The following MCC variants were observed in gnomAD, a reference collection of about 807,000 sequenced individuals.
MCC encodes the protein colorectal mutant cancer protein.
Under a neutral mutation model 116.2 loss-of-function variants are expected in MCC, and 90 were observed. The ratio of observed to expected loss-of-function variants is 0.77; its 90% CI spans 0.65 to 0.92. The LOEUF (loss-of-function observed/expected upper bound fraction) is 0.92. Among genes scored for constraint, MCC ranks in the 40% least tolerant of loss-of-function variants. MCC has a pLI of 0.00. For missense variants in MCC, 1,516 were observed against 1,312.2 expected (o/e 1.16, Z -2.40); for synonymous variants, 578 against 510.5 (o/e 1.13, Z -1.78).
chr5:113,071,489 T>C (rs1472220084), intron 11 of MCC, among the ~76,000 whole-genome samples: 1 of 152,146 alleles, frequency 6.6e-6, no homozygotes, highest in African/African-American at 2.4e-5. Flanking sequence ...TCCATGTCTA[T>C]CATGAGCAGG....
chr5:113,403,952 C>T (rs1035137408), intron 1 of MCC, among the ~76,000 whole-genome samples: 14 of 152,114 alleles, frequency 9.2e-5, no homozygotes, highest in Non-Finnish European at 1.3e-4. Flanking sequence ...CTGCAACCTC[C>T]GCCTCCCGGG....
At chr5:113,187,684 G>A (rs1254178930) in intron 3 of MCC, among the ~76,000 whole-genome samples, 2 of 151,496 alleles carry the variant, frequency 1.3e-5, no homozygotes, top group African/African-American at 4.9e-5. Context: ...GAACCCAGGA[G>A]GCGGAGCTTG....
At chr5:113,108,084 C>T (rs949056994) in intron 6 of MCC, among the ~76,000 whole-genome samples, 4 of 152,244 alleles carry the variant, frequency 2.6e-5, no homozygotes, top group African/African-American at 9.6e-5. Flanking sequence ...GTGGCTCACT[C>T]CTGTAATCAC....
Position 113,022,149 on chromosome 5 carries a change from ATAT to A in MCC, c.*5150_*5152del, listed in dbSNP as rs1412903356. The A allele has an allele frequency of 6.6e-6, 1 of 152,622 alleles. No individual in the cohort carries two copies. The highest frequency in any genetic ancestry group is 2.4e-5 in the African/African-American group (1 of 41,458). 9.5% of individuals were successfully genotyped at this position (152,622 alleles called of 1,614,324 possible). ...TTCAGAATATAAGAATGTTTGTAAA[ATAT>A]TATAAATGTCTCTGTATAAATAAAT... On this transcript the variant is annotated 3_prime_UTR_variant, in exon 19 of 19. Transcript: ENST00000408903.
intron 3 of MCC, among the ~76,000 whole-genome samples, chr5:113,189,303 C>A (rs1982287): frequency 6.6e-6 from 1 of 152,220 alleles, no homozygotes; most frequent in Non-Finnish European, 1.5e-5. Flanking sequence ...GGACTTACTA[C>A]AGACCATCTC....
chr5:113,483,016 C>A (rs913780062), intron 1 of MCC, among the ~76,000 whole-genome samples: 2 of 152,048 alleles, frequency 1.3e-5, no homozygotes, highest in Admixed American at 1.3e-4. Context: ...CTATTTTTTC[C>A]CCCATTTTAC....
chr5:113,262,295 T>A (rs539794364), intron 3 of MCC, among the ~76,000 whole-genome samples: 1 of 152,086 alleles, frequency 6.6e-6, no homozygotes, highest in South Asian at 2.1e-4. Context: ...CTTTCAACTA[T>A]CACATTTGCT....
At chr5:113,094,275 T>C (rs966366213) in intron 8 of MCC, among the ~76,000 whole-genome samples, 9 of 152,112 alleles carry the variant, frequency 5.9e-5, no homozygotes, top group African/African-American at 1.9e-4. Flanking sequence ...GATCACAAAA[T>C]AGAAGGAGAA....
At chr5:113,386,326 A>T (rs1022858795) in intron 1 of MCC, among the ~76,000 whole-genome samples, 2 of 152,136 alleles carry the variant, frequency 1.3e-5, no homozygotes, top group Non-Finnish European at 2.9e-5. Context: ...TCTTCAAGTC[A>T]CCCTTCACAA....
intron 5 of MCC, among the ~76,000 whole-genome samples, chr5:113,138,515 A>G (rs1293488672): frequency 6.6e-6 from 1 of 152,200 alleles, no homozygotes; most frequent in Non-Finnish European, 1.5e-5. Flanking sequence ...GAAGGTGGCC[A>G]TCTGCAAGCC....
chr5:113,146,984 C>G (rs990258543), intron 4 of MCC, among the ~76,000 whole-genome samples: 2 of 152,108 alleles, frequency 1.3e-5, no homozygotes, highest in Non-Finnish European at 2.9e-5. Flanking sequence ...CTAGATTTGT[C>G]TCACAACTAC....
chr5:113,169,789 A>T (rs1264699738), intron 3 of MCC, among the ~76,000 whole-genome samples: 2 of 152,220 alleles, frequency 1.3e-5, no homozygotes, highest in Non-Finnish European at 2.9e-5. Flanking sequence ...GAGTGTTTGT[A>T]GTCAACAATC....
chr5:113,029,009 T>C lies in MCC; in HGVS notation c.2804A>G (p.Glu935Gly). ...ARVQELVSAL[E>G]RLTKSSEIRH... is the part of the protein sequence containing the mutation. ...GATTTCACTGCTCTTGGTGAGTCTC[T>C]CCAAGGCACTCACCAGCTCTTGAAC... Residue 935 changes from glutamate (E) to glycine (G), a missense_variant, in exon 18 of 19, where the codon GAG (glutamate) becomes GGG (glycine). Transcript: ENST00000408903. 1 of 1,613,836 alleles carries C rather than the reference T, an allele frequency of 6.2e-7. No homozygotes were observed. The highest frequency in any genetic ancestry group is 8.5e-7 in the Non-Finnish European group (1 of 1,179,812).
At chr5:113,194,165 G>C (rs1762275388) in intron 3 of MCC, among the ~76,000 whole-genome samples, 1 of 152,148 alleles carries the variant, frequency 6.6e-6, no homozygotes, top group Non-Finnish European at 1.5e-5. Flanking sequence ...ACAAAAAATG[G>C]TCATATCTGA....
intron 3 of MCC, among the ~76,000 whole-genome samples, chr5:113,285,032 C>T (rs1308578038): frequency 2.6e-5 from 4 of 152,152 alleles, no homozygotes; most frequent in East Asian, 3.9e-4. Context: ...GGCCAGTGTC[C>T]ATGCCACTCA....
chr5:113,179,678 G>C (rs950656820), intron 3 of MCC, among the ~76,000 whole-genome samples: 1 of 152,138 alleles, frequency 6.6e-6, no homozygotes, highest in African/African-American at 2.4e-5. Flanking sequence ...AAAAATGAAT[G>C]CAGTTGAATT....
chr5:113,363,692 C>G (rs1346750237), intron 2 of MCC, among the ~76,000 whole-genome samples: 2 of 152,188 alleles, frequency 1.3e-5, no homozygotes, highest in African/African-American at 4.8e-5. Context: ...TATCGTTCCA[C>G]CTCTGGACCC....
intron 1 of MCC, among the ~76,000 whole-genome samples, chr5:113,404,014 G>A (rs191962940): frequency 4.6e-5 from 7 of 152,100 alleles, no homozygotes; most frequent in South Asian, 2.1e-4. Flanking sequence ...TTACAGGCAC[G>A]GGTCATCATG....
intron 3 of MCC, among the ~76,000 whole-genome samples, chr5:113,305,203 T>G (rs956229946): frequency 6.6e-6 from 1 of 152,174 alleles, no homozygotes; most frequent in Non-Finnish European, 1.5e-5. Flanking sequence ...AGGGACAGGC[T>G]GAGGCATGAA....
Sources: gnomAD v4.1 joint callset for allele counts (sites outside exome capture counted in the v4.1 genomes callset) on GRCh38, gnomAD v4.1.1 for gene constraint, MANE v1.5 for transcripts, NCBI Gene and HGNC (gene_info 2026-07-23, HGNC 2026-07-21) for gene names.